ZNF518A: variants seen among roughly 807,000 people sequenced by gnomAD.
ZNF518A encodes the protein zinc finger protein 518.
ZNF518A carries 47 observed loss-of-function variants against 102.7 expected under a neutral mutation model. The ratio of observed to expected loss-of-function variants is 0.46; its 90% confidence interval spans 0.36 to 0.58. ZNF518A has a LOEUF of 0.58. ZNF518A is among the 20% of genes least tolerant of loss of function. The pLI is 0.00. For synonymous variants in ZNF518A, 652 were observed against 594.6 expected, an observed-to-expected ratio of 1.10 and a Z score of -1.40; for missense variants, 1,793 against 1,699.8, an observed-to-expected ratio of 1.05 and a Z score of -0.96.
At chr10:96,130,122 T>A (rs2081244717), upstream of ZNF518A, 1 of 152,684 alleles carries the variant, frequency 6.5e-6, no homozygotes, top group Non-Finnish European at 1.5e-5. Flanking sequence ...ACGACAGGTA[T>A]TCCCCGTCAG....
chr10:96,193,584 G>A (rs191350085), intron 1 of ZNF518A, among the ~76,000 whole-genome samples: 2 of 152,200 alleles, frequency 1.3e-5, no homozygotes, highest in Admixed American at 1.3e-4. Context: ...AAAAAGAATT[G>A]GGCATAACAT....
At chr10:96,149,278 GCCT>G (rs2082319769) in intron 3 of ZNF518A, among the ~76,000 whole-genome samples, 1 of 152,102 alleles carries the variant, frequency 6.6e-6, no homozygotes, top group South Asian at 2.1e-4. Context: ...CATTGCTGTC[GCCT>G]AGGAGCCAAC....
intron 3 of ZNF518A, among the ~76,000 whole-genome samples, chr10:96,134,528 C>A (rs1260541337): frequency 6.6e-6 from 1 of 152,176 alleles, no homozygotes; most frequent in African/African-American, 2.4e-5. Flanking sequence ...GCCACTGCTC[C>A]CGGCCTACTT....
chr10:96,176,613 C>T (rs927577590), intron 1 of ZNF518A, among the ~76,000 whole-genome samples: 1 of 152,106 alleles, frequency 6.6e-6, no homozygotes, highest in Non-Finnish European at 1.5e-5. Context: ...AAAAACAAAA[C>T]AAGGGTGGGC....
intron 1 of ZNF518A, among the ~76,000 whole-genome samples, chr10:96,171,674 T>C (rs1902700): frequency 0.31 from 46,593 of 152,002 alleles, 8,258 homozygotes; most frequent in East Asian, 0.67. Context: ...ATGCAAATGA[T>C]AGTAAGCACA....
rs2082959994 is a variant in ZNF518A at position 96,160,613 on chromosome 10, A to G, written c.4291A>G (p.Lys1431Glu). The change falls in exon 6 of 6, where the codon AAA becomes GAA. Residue 1431 changes from lysine (K) to glutamate (E), a missense_variant. Transcript: ENST00000316045. ...VLKLTLKKTS[K>E]NNYQIVKTTS... ...AAAATTAACACTCAAAAAGACAAGC[A>G]AAAACAATTACCAGATTGTGAAGAC... 1 of 1,612,652 alleles carries G rather than the reference A, an allele frequency of 6.2e-7. No homozygotes were observed. The highest frequency in any genetic ancestry group is 1.3e-5 in the African/African-American group (1 of 74,880).
At chr10:96,198,807 T>G (rs1203965805) in intron 1 of ZNF518A, among the ~76,000 whole-genome samples, 1 of 152,192 alleles carries the variant, frequency 6.6e-6, no homozygotes, top group Non-Finnish European at 1.5e-5. Flanking sequence ...CAACCGATTC[T>G]CCTGCTTCAG....
At chr10:96,138,405 TC>T (rs766199905) in intron 3 of ZNF518A, among the ~76,000 whole-genome samples, 6 of 152,138 alleles carry the variant, frequency 3.9e-5, no homozygotes, top group Non-Finnish European at 8.8e-5. Flanking sequence ...TTCTTGCTGT[TC>T]CCCAAATGTG....
At chr10:96,131,471 T>G (rs1554871814) in intron 1 of ZNF518A, among the ~76,000 whole-genome samples, 1 of 152,210 alleles carries the variant, frequency 6.6e-6, no homozygotes, top group African/African-American at 2.4e-5. Context: ...CTGTTAACAC[T>G]TTGAGGGTGT....
intron 3 of ZNF518A, among the ~76,000 whole-genome samples, chr10:96,154,597 A>G (rs2082610628): frequency 6.6e-6 from 1 of 152,042 alleles, no homozygotes; most frequent in Non-Finnish European, 1.5e-5. Flanking sequence ...TTCTGAAATC[A>G]TCTGTAAGCC....
Position 96,160,075 on chromosome 10 carries a change from C to T in ZNF518A, c.3753C>T (p.Ser1251=). Residue 1251 remains serine (S), a synonymous_variant, in exon 6 of 6, where the codon TCC becomes TCT. Transcript: ENST00000316045. ...GGAACTTCAATAGAAAAAAGACTTC[C>T]AAAAAAATTTTTTCAAAAACAAAAA... The part of the protein sequence containing the change: ...IERNFNRKKT[S]KKIFSKTKTH... The T allele has an allele frequency of 1.2e-6, 2 of 1,608,358 alleles. No homozygotes were observed.
Position 96,160,484 on chromosome 10 carries a change from C to T in ZNF518A, c.4162C>T (p.Leu1388=). 1.2e-6 allele frequency: 2 copies of T among 1,613,158 alleles called. No individual in the cohort carries two copies. The highest frequency in any genetic ancestry group is 1.1e-5 in the South Asian group (1 of 90,996). The change falls in exon 6 of 6, where the codon CTG becomes TTG. Residue 1388 remains leucine, a synonymous_variant. Coordinates refer to ENST00000316045, the MANE Select transcript of ZNF518A (RefSeq NM_001330736.2). ...GTCAAAAAGAACTATAAATGCTTTA[C>T]TGAAACCAGTTTGTTATAACCCTCC... The part of the protein sequence containing the change: ...SLSKRTINAL[L]KPVCYNPPKT...
intron 3 of ZNF518A, among the ~76,000 whole-genome samples, 153 bp from the exon 4 acceptor site, chr10:96,155,173 G>A (rs2082641353): frequency 6.6e-6 from 1 of 152,068 alleles, no homozygotes; most frequent in African/African-American, 2.4e-5. Flanking sequence ...ATATTGTTAT[G>A]TCCCATACGT....
chr10:96,186,019 C>G (rs1311072328), intron 1 of ZNF518A, among the ~76,000 whole-genome samples: 1 of 152,250 alleles, frequency 6.6e-6, no homozygotes, highest in Non-Finnish European at 1.5e-5. Context: ...GGCGTGGGAC[C>G]TGCTGAGCCA....
intron 3 of ZNF518A, among the ~76,000 whole-genome samples, chr10:96,136,264 GC>G (rs1179391858): frequency 6.6e-6 from 1 of 151,540 alleles, no homozygotes; most frequent in Admixed American, 6.6e-5. Flanking sequence ...ACTCATTTTG[GC>G]AAAAACCTTT....
chr10:96,200,089 G>A lies in ZNF518A; in HGVS notation n.36-3485G>A. On this transcript the variant is annotated intron_variant and non_coding_transcript_variant, in intron 1 of 2. Transcript: ENST00000442635. The surrounding 1 kb of genome is among the most constrained non-coding windows in gnomAD (Gnocchi z 4.3). ...AATGATCAGACCTTGTTTGATCTGT[G>A]CAATGCCTCTTCAGCAGACTTTCGA... 2 of 1,613,476 alleles carry A rather than the reference G, an allele frequency of 1.2e-6. No homozygotes were observed. Among genetic ancestry groups the A allele is most frequent in the Non-Finnish European group, 1.7e-6 (2 of 1,179,532 alleles).
downstream of ZNF518A, chr10:96,204,659 C>A: frequency 6.3e-7 from 1 of 1,593,824 alleles, no homozygotes. Flanking sequence ...AGTGAAATGT[C>A]TGTCCTCATC....
chr10:96,142,305 GGTGTGTGTGTGTGTGTGTGT>G (rs60624825), intron 3 of ZNF518A, among the ~76,000 whole-genome samples: 11 of 104,132 alleles, frequency 1.1e-4, no homozygotes, highest in East Asian at 3.7e-4. Flanking sequence ...ATATTCTTAG[GGTGTGTGTGTGTGTGTGTGT>G]GTGTGTGTGT....
At chr10:96,190,451 G>T (rs1554893128) in intron 1 of ZNF518A, among the ~76,000 whole-genome samples, 15 of 152,156 alleles carry the variant, frequency 9.9e-5, no homozygotes. Context: ...TATCTGTAAA[G>T]ACCTCATTCC....
Sources: gnomAD v4.1 joint callset for allele counts (sites outside exome capture counted in the v4.1 genomes callset) on GRCh38, gnomAD v4.1.1 for gene constraint, Gnocchi (gnomAD v3.1) non-coding constraint, MANE v1.5 for transcripts, NCBI Gene and HGNC (gene_info 2026-07-23, HGNC 2026-07-21) for gene names.